The following ZNF407 variants were observed in gnomAD, a reference collection of about 807,000 sequenced individuals.
ZNF407 encodes the protein zinc finger protein 407.
ZNF407 carries 17 observed loss-of-function variants against 131.2 expected under a neutral mutation model. That is an observed-to-expected ratio of 0.13 (90% CI 0.09 to 0.19). The LOEUF is 0.19. Among genes scored for constraint, ZNF407 ranks in the 10% least tolerant of loss-of-function variants. The probability of loss-of-function intolerance (pLI) is 1.00; values close to 1 mark genes in which losing one functional copy is unlikely to be tolerated. For synonymous variants in ZNF407, 1,156 were observed against 1,062.0 expected, an observed-to-expected ratio of 1.09 and a Z score of -1.72; for missense variants, 2,681 against 2,830.6, an observed-to-expected ratio of 0.95 and a Z score of 1.20.
At chr18:75,053,049 A>G (rs1973520860) in intron 8 of ZNF407, among the ~76,000 whole-genome samples, 1 of 152,206 alleles carries the variant, frequency 6.6e-6, no homozygotes, top group South Asian at 2.1e-4. Flanking sequence ...ACACAGTGGA[A>G]TCGTGTGGTC....
chr18:74,690,167 A>T (rs1967186646), intron 3 of ZNF407, among the ~76,000 whole-genome samples: 1 of 152,238 alleles, frequency 6.6e-6, no homozygotes, highest in Admixed American at 6.5e-5. Context: ...ATATAATGGC[A>T]CACATGGTTT....
intron 3 of ZNF407, among the ~76,000 whole-genome samples, chr18:74,680,572 A>C (rs1176242113): frequency 3.3e-5 from 5 of 152,168 alleles, no homozygotes; most frequent in Non-Finnish European, 7.3e-5. Flanking sequence ...TTGACCATCA[A>C]ATACAACTCC....
chr18:74,850,128 A>T (rs2554108), intron 4 of ZNF407, among the ~76,000 whole-genome samples: 66,585 of 152,062 alleles, frequency 0.44, 15,857 homozygotes, highest in Admixed American at 0.53. Context: ...GTGAAATTTT[A>T]AAAACACTGA....
chr18:74,796,279 A>G (rs1236108411), intron 4 of ZNF407, among the ~76,000 whole-genome samples: 3 of 152,152 alleles, frequency 2.0e-5, no homozygotes, highest in African/African-American at 7.2e-5. Flanking sequence ...TGTGTTTTAT[A>G]TCTTCAGTAT....
chr18:74,700,028 GTTACCATGC>G (rs1190509796), intron 3 of ZNF407, among the ~76,000 whole-genome samples: 1 of 151,880 alleles, frequency 6.6e-6, no homozygotes, highest in African/African-American at 2.4e-5. Flanking sequence ...CATAAATATG[GTTACCATGC>G]TTAAAAAAAC....
At chr18:74,976,154 A>G (rs1454371165) in intron 8 of ZNF407, among the ~76,000 whole-genome samples, 1 of 152,194 alleles carries the variant, frequency 6.6e-6, no homozygotes, top group Non-Finnish European at 1.5e-5. Context: ...CTTATTCCAT[A>G]TTGGTTGACC....
chr18:74,723,269 A>G (rs778277926), intron 3 of ZNF407, among the ~76,000 whole-genome samples: 1 of 152,216 alleles, frequency 6.6e-6, no homozygotes, highest in Non-Finnish European at 1.5e-5. Context: ...TTTTAAAATA[A>G]TGCCAGCATT....
intron 8 of ZNF407, among the ~76,000 whole-genome samples, chr18:74,926,618 T>G (rs1229380369): frequency 6.6e-6 from 1 of 151,976 alleles, no homozygotes; most frequent in African/African-American, 2.4e-5. Context: ...GCCTGGCCAA[T>G]GTAGTGAAAT....
intron 8 of ZNF407, chr18:74,920,893 CAA>C (rs34241741): frequency 8.1e-7 from 1 of 1,235,558 alleles, no homozygotes; most frequent in African/African-American, 1.5e-5. Context: ...TGTATTTTAT[CAA>C]AAAAGGAAAT....
At chr18:74,657,888 C>T (rs924738694) in intron 3 of ZNF407, among the ~76,000 whole-genome samples, 1 of 144,690 alleles carries the variant, frequency 6.9e-6, no homozygotes, top group African/African-American at 2.7e-5. Context: ...TTGCTCTCTA[C>T]TTCTCCTTTT....
At chr18:75,014,270 C>G (rs138730851) in intron 8 of ZNF407, among the ~76,000 whole-genome samples, 2 of 151,908 alleles carry the variant, frequency 1.3e-5, no homozygotes, top group African/African-American at 2.4e-5. Flanking sequence ...ACCTGGTCAC[C>G]AATTTAATTT....
chr18:74,886,635 A>G (rs1971313883), intron 6 of ZNF407, among the ~76,000 whole-genome samples: 1 of 152,238 alleles, frequency 6.6e-6, no homozygotes, highest in African/African-American at 2.4e-5. Context: ...TGAGAGAAAG[A>G]GTCCAGACAA....
intron 8 of ZNF407, among the ~76,000 whole-genome samples, chr18:75,010,476 C>A (rs1972961007): frequency 6.6e-6 from 1 of 152,138 alleles, no homozygotes; most frequent in Non-Finnish European, 1.5e-5. Flanking sequence ...GGGTCACAGG[C>A]TGATTTTCTG....
intron 4 of ZNF407, among the ~76,000 whole-genome samples, chr18:74,830,374 C>T (rs1043234612): frequency 1.3e-5 from 2 of 152,122 alleles, no homozygotes; most frequent in African/African-American, 2.4e-5. Flanking sequence ...CCTTGACCTC[C>T]CCGACTCAAG....
intron 3 of ZNF407, among the ~76,000 whole-genome samples, chr18:74,662,531 C>T (rs1269436295): frequency 1.3e-5 from 2 of 152,156 alleles, no homozygotes; most frequent in East Asian, 1.9e-4. Flanking sequence ...TATATTTACC[C>T]ATGTTTTAAA....
chr18:74,789,026 AGACTTAGGTGATCTATAGTGTTTGAAGAT>A (rs1317443922), intron 4 of ZNF407, among the ~76,000 whole-genome samples: 8 of 152,066 alleles, frequency 5.3e-5, no homozygotes, highest in African/African-American at 1.9e-4. Flanking sequence ...CTATGTTCGA[AGACTTAGGTGATCTATAGTGTTTGAAGAT>A]GACACAGCCT....
At chr18:74,859,212 C>A (rs769848632) in intron 4 of ZNF407, among the ~76,000 whole-genome samples, 9 of 152,152 alleles carry the variant, frequency 5.9e-5, no homozygotes, top group Non-Finnish European at 8.8e-5. Flanking sequence ...TTACTAGAAA[C>A]AATATTGTGT....
intron 1 of ZNF407, among the ~76,000 whole-genome samples, chr18:74,626,642 G>T (rs1167344608): frequency 6.6e-6 from 1 of 152,138 alleles, no homozygotes; most frequent in East Asian, 1.9e-4. Context: ...AAAGGAAACA[G>T]CCCTAATGTC....
At chr18:74,877,060 A>G (rs1971167418) in intron 4 of ZNF407, 137 bp from the exon 5 acceptor site, 5 of 699,822 alleles carry the variant, frequency 7.1e-6, no homozygotes, top group Admixed American at 4.9e-5. Context: ...TTATACAGAC[A>G]TGACAGACCA....
Sources: allele counts gnomAD v4.1 joint callset (sites outside exome capture counted in the v4.1 genomes callset), GRCh38; gene constraint gnomAD v4.1.1; transcripts MANE v1.5; gene names NCBI Gene and HGNC (gene_info 2026-07-23, HGNC 2026-07-21).